ITGB8: variants seen among roughly 807,000 people sequenced by gnomAD.
ITGB8 encodes integrin subunit beta 8, also known as integrin beta-8.
In ITGB8, 30 loss-of-function variants were observed where a neutral mutation model predicts 89.5. The ratio of observed to expected loss-of-function variants is 0.34; its 90% CI spans 0.25 to 0.45. ITGB8 has a LOEUF of 0.45. Ranked by LOEUF, ITGB8 falls within the 20% of genes least tolerant of loss-of-function variation. ITGB8 has a pLI of 1.00. For synonymous variants in ITGB8, 335 were observed against 320.4 expected (o/e 1.05, Z -0.49); for missense variants, 836 against 933.3 (o/e 0.90, Z 1.36).
At chr7:20,360,213 C>G (rs1328980861) in intron 1 of ITGB8, among the ~76,000 whole-genome samples, 1 of 152,142 alleles carries the variant, frequency 6.6e-6, no homozygotes, top group East Asian at 1.9e-4. Context: ...GCCATGTGTA[C>G]TATGGAAGTA....
intron 1 of ITGB8, chr7:20,346,779 T>C (rs1190144747): frequency 1.0e-6 from 1 of 985,164 alleles, no homozygotes; most frequent in African/African-American, 1.7e-5. Flanking sequence ...TGAAGGGGGC[T>C]CCACAGGCAG....
At chr7:20,376,740 G>C (rs1329214513) in intron 3 of ITGB8, among the ~76,000 whole-genome samples, 2 of 152,116 alleles carry the variant, frequency 1.3e-5, no homozygotes, top group African/African-American at 4.8e-5. Flanking sequence ...CTTAAAGCTA[G>C]ACCCTCACAG....
Position 20,331,267 on chromosome 7 carries a change from A to G in ITGB8, c.-540A>G. ...TGTTGGCCTCCCTGCCCACCTGTGGAAGCAACTGCGCTGATTGATGCGCCA... is the reference window on the plus strand; with the variant it reads ...TGTTGGCCTCCCTGCCCACCTGTGGGAGCAACTGCGCTGATTGATGCGCCA... On this transcript the variant is annotated 5_prime_UTR_variant, in exon 1 of 14. Coordinates refer to ENST00000222573, the MANE Select transcript of ITGB8 (RefSeq NM_002214.3). The G allele has an allele frequency of 6.3e-6, 2 of 315,774 alleles. No homozygotes were observed. The highest frequency in any genetic ancestry group is 1.2e-5 in the Non-Finnish European group (2 of 173,746). 19.6% of individuals were successfully genotyped at this position (315,774 alleles called of 1,614,324 possible). A position where few individuals can be genotyped will look rare whatever the true frequency, so the allele number is the denominator to read the frequency against.
chr7:20,357,516 G>T (rs1038550458), intron 1 of ITGB8, among the ~76,000 whole-genome samples: 1 of 152,064 alleles, frequency 6.6e-6, no homozygotes, highest in African/African-American at 2.4e-5. Flanking sequence ...GTGTGTATGT[G>T]TATATAGATA....
intron 6 of ITGB8, among the ~76,000 whole-genome samples, chr7:20,387,923 G>T (rs966591917): frequency 6.6e-6 from 1 of 152,056 alleles, no homozygotes; most frequent in Non-Finnish European, 1.5e-5. Flanking sequence ...AAAAAATCAC[G>T]CAGATAAAAG....
chr7:20,359,456 G>A (rs374657099), intron 1 of ITGB8, among the ~76,000 whole-genome samples: 2 of 152,236 alleles, frequency 1.3e-5, no homozygotes, highest in African/African-American at 4.8e-5. Context: ...TGAGGTGTCA[G>A]TGCAGTGCTG....
chr7:20,342,475 G>A (rs1426469609), intron 1 of ITGB8, among the ~76,000 whole-genome samples: 1 of 152,166 alleles, frequency 6.6e-6, no homozygotes, highest in Non-Finnish European at 1.5e-5. Context: ...TGTACAGTAA[G>A]TGGCCCAGGA....
rs1460021645 is a variant in ITGB8 at position 20,381,637 on chromosome 7, G to A, written c.802-90G>A. On this transcript the variant is annotated intron_variant, in intron 5 of 13. Transcript: ENST00000222573. ...ATCGTTCTAGCCTGACTTACTGTTC[G>A]TCAACTCAAACGTAATGTTTACTTG... 7 of 962,312 alleles carry A rather than the reference G, an allele frequency of 7.3e-6. No homozygotes were observed. The East Asian group carries it at 7.3e-5, about 10-fold the overall frequency. The allele number at this position is 962,312 out of a possible 1,614,324, so 59.6% of individuals were successfully genotyped here. A position where few individuals can be genotyped will look rare whatever the true frequency, so the allele number is the denominator to read the frequency against.
chr7:20,331,221 C>A lies in ITGB8; in HGVS notation c.-586C>A, dbSNP rs1784376859. On this transcript the variant is annotated 5_prime_UTR_variant, in exon 1 of 14. In the 5' UTR this introduces an upstream ATG that the reference lacks. Transcript: ENST00000222573. ...TTTGCCCGCTGCTCCGCAGACGGGG[C>A]TGCAAAGCTGCAACTAATGGTGTTG... The A allele has an allele frequency of 9.0e-6, 2 of 222,164 alleles. No homozygotes were observed. The highest frequency in any genetic ancestry group is 1.8e-5 in the Non-Finnish European group (2 of 114,110). The allele number at this position is 222,164 out of a possible 1,614,324, so 13.8% of individuals were successfully genotyped here. A position where few individuals can be genotyped will look rare whatever the true frequency, so the allele number is the denominator to read the frequency against.
At chr7:20,332,092 T>C (rs1784422018) in intron 1 of ITGB8, 159 bp downstream of exon 1, 6 of 1,393,970 alleles carry the variant, frequency 4.3e-6, no homozygotes, top group Non-Finnish European at 5.6e-6. Context: ...ACAGATGGCC[T>C]AGAGGCCAGG....
chr7:20,398,193 T>C (rs1330763729), intron 8 of ITGB8, among the ~76,000 whole-genome samples: 2 of 152,194 alleles, frequency 1.3e-5, no homozygotes, highest in Non-Finnish European at 2.9e-5. Flanking sequence ...TTCTGCCCAG[T>C]AAGAGGACCT....
intron 3 of ITGB8, among the ~76,000 whole-genome samples, chr7:20,372,101 G>T (rs554502928): frequency 1.3e-5 from 2 of 152,090 alleles, no homozygotes; most frequent in South Asian, 4.1e-4. Flanking sequence ...ATTTTCAGAG[G>T]TTTATTATAT....
intron 1 of ITGB8, among the ~76,000 whole-genome samples, chr7:20,342,321 A>C (rs1784787397): frequency 6.6e-6 from 1 of 152,206 alleles, no homozygotes. Flanking sequence ...GTCCCAAGAA[A>C]TATAGAATTA....
chr7:20,411,170 T>TC lies in ITGB8; in HGVS notation c.*1173_*1174insC, dbSNP rs1787748348. ...GCTTTTTTTTTTTTTTTTTTTTTTT[T>TC]TGAGACGGAGTTTCACTCTTGTCAC... On this transcript the variant is annotated 3_prime_UTR_variant, in exon 14 of 14. Coordinates refer to ENST00000222573, the MANE Select transcript of ITGB8 (RefSeq NM_002214.3). 1 of 142,198 alleles carries TC rather than the reference T, an allele frequency of 7.0e-6. No individual in the cohort carries two copies. Among genetic ancestry groups the TC allele is most frequent in the African/African-American group, 2.9e-5 (1 of 34,608 alleles). The allele number at this position is 142,198 out of a possible 1,614,324, so 8.8% of individuals were successfully genotyped here. A position where few individuals can be genotyped will look rare whatever the true frequency, so the allele number is the denominator to read the frequency against.
intron 1 of ITGB8, among the ~76,000 whole-genome samples, chr7:20,355,325 C>T (rs73086586): frequency 0.075 from 11,355 of 152,230 alleles, 564 homozygotes; most frequent in South Asian, 0.19. Flanking sequence ...TATATGCTTG[C>T]TGCCATGCCT....
chr7:20,401,691 A>AAC, intron 9 of ITGB8, 30 bp from the exon 10 acceptor site: 1 of 1,338,988 alleles, frequency 7.5e-7, no homozygotes, highest in South Asian at 1.5e-5. Context: ...AAGGTATATA[A>AAC]ATATATTTCC....
chr7:20,350,086 G>A lies in ITGB8; in HGVS notation c.128-13551G>A, dbSNP rs376266078. Among the ~76,000 whole-genome samples the A allele has an allele frequency of 3.3e-5, 5 of 152,080 alleles. No homozygotes were observed. The East Asian group carries it at 5.8e-4, about 18-fold the overall frequency. On this transcript the variant is annotated intron_variant, in intron 1 of 13. Coordinates refer to ENST00000222573, the MANE Select transcript of ITGB8 (RefSeq NM_002214.3). Reference sequence around the variant, plus strand: ...GGTAACTGTTTTATTGAATGTATAGGGATTTTGGTGCCCCTTTTTTAAAAA... The same window carrying A: ...GGTAACTGTTTTATTGAATGTATAGAGATTTTGGTGCCCCTTTTTTAAAAA...
Position 20,381,788 on chromosome 7 carries a change from C to T in ITGB8, c.863C>T (p.Ser288Phe). Reference sequence around the variant, plus strand: ...CTGCTGGTGATGACAGATCAGACGTCTCATCTCGCTCTTGATAGCAAATTG... The same window carrying T: ...CTGCTGGTGATGACAGATCAGACGTTTCATCTCGCTCTTGATAGCAAATTG... ...RLLLVMTDQT[S>F]HLALDSKLAG... The change falls in exon 6 of 14, where the codon TCT (serine) becomes TTT (phenylalanine). Residue 288 changes from serine to phenylalanine, a missense_variant. Coordinates refer to ENST00000222573, the MANE Select transcript of ITGB8 (RefSeq NM_002214.3). 1 of 1,613,958 alleles carries T rather than the reference C, an allele frequency of 6.2e-7. No homozygotes were observed. The highest frequency in any genetic ancestry group is 8.5e-7 in the Non-Finnish European group (1 of 1,179,864).
chr7:20,375,297 G>C lies in ITGB8; in HGVS notation c.389-3754G>C, dbSNP rs141560012. Among the ~76,000 whole-genome samples, 174 of 151,732 alleles carry C rather than the reference G, an allele frequency of 1.1e-3. 2 individuals carry two copies. The highest frequency in any genetic ancestry group is 4.1e-3 in the African/African-American group (171 of 41,396). On this transcript the variant is annotated intron_variant, in intron 3 of 13. Transcript: ENST00000222573. ...TGGTCTTACCTATGTTTAGTGGTAAGAATTGATTGTTTAATATAGGAAAAA... is the reference window on the plus strand; with the variant it reads ...TGGTCTTACCTATGTTTAGTGGTAACAATTGATTGTTTAATATAGGAAAAA...
Sources: gnomAD v4.1 joint callset for allele counts (sites outside exome capture counted in the v4.1 genomes callset) on GRCh38, gnomAD v4.1.1 for gene constraint, MANE v1.5 for transcripts, NCBI Gene and HGNC (gene_info 2026-07-23, HGNC 2026-07-21) for gene names.